CDH20: variants seen among roughly 807,000 people sequenced by gnomAD.
The protein encoded by CDH20 is cadherin-20.
CDH20 carries 29 observed loss-of-function variants against 74.2 expected under a neutral mutation model. That is an observed-to-expected ratio of 0.39 (90% CI 0.29 to 0.53). The LOEUF (loss-of-function observed/expected upper bound fraction) is 0.53, where lower values mean the gene tolerates loss of function less well. CDH20 is among the 20% of genes least tolerant of loss of function. The probability of loss-of-function intolerance (pLI) is 0.69; values close to 1 mark genes in which losing one functional copy is unlikely to be tolerated. For synonymous variants in CDH20, 469 were observed against 405.4 expected, an observed-to-expected ratio of 1.16 and a Z score of -1.88; for missense variants, 988 against 1,048.3, an observed-to-expected ratio of 0.94 and a Z score of 0.79.
chr18:61,538,608 G>GTTTTTTTTTTTTT lies in CDH20; in HGVS notation c.1409-411_1409-410insTTTTTTTTTTTTT, dbSNP rs1449356386. 1.3e-3 allele frequency among the ~76,000 whole-genome samples: 48 copies of GTTTTTTTTTTTTT among 36,328 alleles called. 3 individuals are homozygous for GTTTTTTTTTTTTT. Among genetic ancestry groups the GTTTTTTTTTTTTT allele is most frequent in the East Asian group, 3.8e-3 (3 of 794 alleles). The allele number at this position is 36,328 out of a possible 152,430, so 23.8% of individuals were successfully genotyped here. On this transcript the variant is annotated intron_variant, in intron 8 of 11. Coordinates refer to ENST00000262717, the MANE Select transcript of CDH20 (RefSeq NM_031891.4). ...TGTTTGTTTGTTTGTTTTTGTTTTT[G>GTTTTTTTTTTTTT]TTTTTGTTTTTGTTTTGTTTTTTTT...
chr18:61,348,497 T>C (rs1384729830), intron 1 of CDH20, among the ~76,000 whole-genome samples: 1 of 152,194 alleles, frequency 6.6e-6, no homozygotes, highest in Non-Finnish European at 1.5e-5. Flanking sequence ...GGGTTTCTGA[T>C]TTCTGATGGC....
intron 1 of CDH20, among the ~76,000 whole-genome samples, chr18:61,470,710 A>C (rs1910141273): frequency 1.3e-5 from 2 of 152,228 alleles, no homozygotes; most frequent in African/African-American, 4.8e-5. Flanking sequence ...AATTTTGACC[A>C]CAGAACAGTA....
intron 7 of CDH20, among the ~76,000 whole-genome samples, chr18:61,534,277 C>T (rs545020669): frequency 3.3e-5 from 5 of 152,174 alleles, no homozygotes; most frequent in East Asian, 1.9e-4. Flanking sequence ...CCTTGCACAC[C>T]GTTGATGAGA....
chr18:61,507,529 A>T lies in CDH20; in HGVS notation c.986A>T (p.Asn329Ile). ...GCCTTTGACATTAGCACAGATCCCAATTTCCAAGTTGGTATCATAACTGTG... is the reference window on the plus strand; with the variant it reads ...GCCTTTGACATTAGCACAGATCCCATTTTCCAAGTTGGTATCATAACTGTG... ...ADAFDISTDP[N>I]FQVGIITVKK... The change falls in exon 6 of 12, where the codon AAT becomes ATT. Residue 329 changes from asparagine (N) to isoleucine (I), a missense_variant. Coordinates refer to ENST00000262717, the MANE Select transcript of CDH20 (RefSeq NM_031891.4). 1 of 1,610,850 alleles carries T rather than the reference A, an allele frequency of 6.2e-7. No individual in the cohort carries two copies. The highest frequency in any genetic ancestry group is 8.5e-7 in the Non-Finnish European group (1 of 1,178,572).
chr18:61,338,344 T>C (rs556781282), intron 1 of CDH20, among the ~76,000 whole-genome samples: 1 of 152,272 alleles, frequency 6.6e-6, no homozygotes, highest in South Asian at 2.1e-4. Context: ...TGCTAACTAG[T>C]GTTTCAGAAT....
At chr18:61,378,866 C>G (rs1206962170) in intron 1 of CDH20, among the ~76,000 whole-genome samples, 1 of 152,132 alleles carries the variant, frequency 6.6e-6, no homozygotes, top group African/African-American at 2.4e-5. Context: ...AACAACCACA[C>G]TCTAAGCACA....
chr18:61,355,142 C>T (rs1910455719), intron 1 of CDH20, among the ~76,000 whole-genome samples: 1 of 152,152 alleles, frequency 6.6e-6, no homozygotes, highest in South Asian at 2.1e-4. Context: ...GAAAGTTTAC[C>T]TTATTTCAGA....
intron 1 of CDH20, among the ~76,000 whole-genome samples, chr18:61,343,826 G>A (rs1340875669): frequency 6.6e-6 from 1 of 152,186 alleles, no homozygotes; most frequent in Admixed American, 6.5e-5. Context: ...GGGTCAATGA[G>A]TGGGAAGCAT....
At chr18:61,403,512 ATAAG>A (rs1288311867) in intron 1 of CDH20, among the ~76,000 whole-genome samples, 2 of 152,230 alleles carry the variant, frequency 1.3e-5, no homozygotes, top group Non-Finnish European at 2.9e-5. Flanking sequence ...GATCAGGCTG[ATAAG>A]TAATTTCTAC....
At position 61,538,608 on chromosome 18, in the gene CDH20, G is replaced by GTTTTTTTTTTTTTTTTTTTTTTTTTT. The variant is rs1449356386; in HGVS notation, c.1409-411_1409-410insTTTTTTTTTTTTTTTTTTTTTTTTTT. On this transcript the variant is annotated intron_variant, in intron 8 of 11. Coordinates refer to ENST00000262717, the MANE Select transcript of CDH20 (RefSeq NM_031891.4). ...TGTTTGTTTGTTTGTTTTTGTTTTT[G>GTTTTTTTTTTTTTTTTTTTTTTTTTT]TTTTTGTTTTTGTTTTGTTTTTTTT... Among the ~76,000 whole-genome samples the GTTTTTTTTTTTTTTTTTTTTTTTTTT allele has an allele frequency of 4.1e-4, 15 of 36,312 alleles. 1 individual carries two copies. Among genetic ancestry groups the GTTTTTTTTTTTTTTTTTTTTTTTTTT allele is most frequent in the Admixed American group, 9.6e-4 (2 of 2,088 alleles). 23.8% of individuals were successfully genotyped at this position (36,312 alleles called of 152,430 possible). A position where few individuals can be genotyped will look rare whatever the true frequency, so the allele number is the denominator to read the frequency against.
intron 1 of CDH20, among the ~76,000 whole-genome samples, chr18:61,351,258 T>C (rs1302374556): frequency 6.6e-6 from 1 of 152,180 alleles, no homozygotes; most frequent in Non-Finnish European, 1.5e-5. Flanking sequence ...GGGTTACTTA[T>C]TGAGAGCCAC....
chr18:61,354,676 T>C (rs992795600), intron 1 of CDH20, among the ~76,000 whole-genome samples: 2 of 152,160 alleles, frequency 1.3e-5, no homozygotes, highest in African/African-American at 4.8e-5. Flanking sequence ...CCTCATGCTG[T>C]ACTGAGACAA....
intron 8 of CDH20, among the ~76,000 whole-genome samples, chr18:61,538,620 G>GTTTTTTT (rs746315637): frequency 7.2e-5 from 3 of 41,544 alleles, no homozygotes; most frequent in Non-Finnish European, 1.5e-4. Flanking sequence ...TTTTGTTTTT[G>GTTTTTTT]TTTTGTTTTT....
intron 1 of CDH20, among the ~76,000 whole-genome samples, chr18:61,346,812 G>A (rs1010936155): frequency 6.6e-6 from 1 of 152,120 alleles, no homozygotes; most frequent in Non-Finnish European, 1.5e-5. Context: ...GGTAAGCCCT[G>A]GATCTAGCAA....
chr18:61,482,534 C>A (rs1055286910), intron 1 of CDH20, among the ~76,000 whole-genome samples: 1 of 152,242 alleles, frequency 6.6e-6, no homozygotes, highest in Admixed American at 6.5e-5. Flanking sequence ...CCCACCTTCT[C>A]TCCAGAAACA....
intron 1 of CDH20, among the ~76,000 whole-genome samples, chr18:61,369,977 T>C (rs1005769376): frequency 9.9e-5 from 15 of 152,002 alleles, no homozygotes; most frequent in African/African-American, 3.4e-4. Context: ...GGCTTAATAC[T>C]TGGATGATGA....
At chr18:61,402,138 C>G (rs866511207) in intron 1 of CDH20, among the ~76,000 whole-genome samples, 2 of 152,150 alleles carry the variant, frequency 1.3e-5, no homozygotes, top group African/African-American at 2.4e-5. Flanking sequence ...GACCTAGAAA[C>G]AGATAAATCA....
chr18:61,538,584 G>GTTTTTTTTTTTTTTTTT (rs1568182044), intron 8 of CDH20, among the ~76,000 whole-genome samples: 2 of 55,822 alleles, frequency 3.6e-5, no homozygotes, highest in Non-Finnish European at 7.0e-5. Context: ...ACTACTTTTT[G>GTTTTTTTTTTTTTTTTT]TTTGTTTGTT....
At chr18:61,369,868 C>T (rs903166631) in intron 1 of CDH20, among the ~76,000 whole-genome samples, 1 of 152,062 alleles carries the variant, frequency 6.6e-6, no homozygotes, top group South Asian at 2.1e-4. Flanking sequence ...CTGACAAGAA[C>T]ACATGGACAC....
Sources: allele counts gnomAD v4.1 joint callset (sites outside exome capture counted in the v4.1 genomes callset), GRCh38; gene constraint gnomAD v4.1.1; transcripts MANE v1.5; gene names NCBI Gene and HGNC (gene_info 2026-07-23, HGNC 2026-07-21).